Variants in IMMP2L observed in about 807,000 individuals in gnomAD.
IMMP2L encodes inner mitochondrial membrane peptidase subunit 2.
A neutral mutation model predicts 19.3 loss-of-function variants in IMMP2L; 18 were observed. That is an observed-to-expected ratio of 0.93 (90% CI 0.64 to 1.38). The LOEUF is 1.38. Among genes scored for constraint, IMMP2L ranks in the 40% most tolerant of loss-of-function variants. The pLI, the probability that IMMP2L is intolerant of heterozygous loss-of-function variation, is 0.00. For synonymous variants in IMMP2L, 76 were observed against 73.0 expected (o/e 1.04, Z -0.21); for missense variants, 233 against 218.2 (o/e 1.07, Z -0.43).
intron 3 of IMMP2L, among the ~76,000 whole-genome samples, chr7:111,194,948 G>T (rs910285279): frequency 9.2e-5 from 14 of 151,834 alleles, no homozygotes; most frequent in African/African-American, 3.1e-4. Context: ...TTTACTTATC[G>T]TTTTCATAGA....
At chr7:110,669,048 T>TGC (rs1190186202) in intron 5 of IMMP2L, among the ~76,000 whole-genome samples, 91 of 57,148 alleles carry the variant, frequency 1.6e-3, no homozygotes, top group African/African-American at 6.3e-3. Context: ...TGTGTGTGTG[T>TGC]GTGCGTGTGT....
chr7:111,398,739 CAGAA>C (rs1337509046), intron 3 of IMMP2L, among the ~76,000 whole-genome samples: 1 of 151,992 alleles, frequency 6.6e-6, no homozygotes, highest in Admixed American at 6.6e-5. Context: ...AAGACTCCTA[CAGAA>C]AGCTCCTAGA....
At chr7:111,059,281 C>T (rs1024523930) in intron 3 of IMMP2L, among the ~76,000 whole-genome samples, 5 of 152,198 alleles carry the variant, frequency 3.3e-5, no homozygotes, top group African/African-American at 1.2e-4. Flanking sequence ...CACGCCCAGC[C>T]TTCTCGCATC....
chr7:111,427,932 A>G (rs1585058155), intron 3 of IMMP2L, among the ~76,000 whole-genome samples: 1 of 151,800 alleles, frequency 6.6e-6, no homozygotes, highest in East Asian at 1.9e-4. Context: ...ATAGCTATGA[A>G]TATAATTTTG....
At chr7:111,536,007 G>A (rs1480376535) in intron 1 of IMMP2L, among the ~76,000 whole-genome samples, 1 of 152,080 alleles carries the variant, frequency 6.6e-6, no homozygotes, top group Non-Finnish European at 1.5e-5. Context: ...ACTAAGAAGT[G>A]CTTAGAAAAA....
At chr7:111,254,808 C>G (rs1012046185) in intron 3 of IMMP2L, among the ~76,000 whole-genome samples, 2 of 152,044 alleles carry the variant, frequency 1.3e-5, no homozygotes, top group Non-Finnish European at 2.9e-5. Flanking sequence ...AAATCCATGT[C>G]TAGTTGAAAA....
At chr7:110,714,699 C>T (rs4727745) in intron 5 of IMMP2L, among the ~76,000 whole-genome samples, 130,866 of 152,072 alleles carry the variant, frequency 0.86, 56,515 homozygotes, top group Non-Finnish European at 0.89. Flanking sequence ...CAGGCTCAAG[C>T]GATTCTCCTG....
At chr7:111,356,490 C>T (rs1033292363) in intron 3 of IMMP2L, among the ~76,000 whole-genome samples, 6 of 152,100 alleles carry the variant, frequency 3.9e-5, no homozygotes, top group Non-Finnish European at 7.4e-5. Context: ...TGAGCATCCT[C>T]GGATTCTGGT....
chr7:110,902,427 T>A (rs1342170181), intron 4 of IMMP2L, among the ~76,000 whole-genome samples: 1 of 149,566 alleles, frequency 6.7e-6, no homozygotes, highest in Admixed American at 6.7e-5. Context: ...ATTGGGCTGA[T>A]CCTGATCTGG....
chr7:110,844,035 C>T (rs714111), intron 5 of IMMP2L, among the ~76,000 whole-genome samples: 92,629 of 151,958 alleles, frequency 0.61, 30,902 homozygotes, highest in East Asian at 0.85. Context: ...TGGATGGATT[C>T]GAGCAGAAGA....
chr7:111,521,383 G>A lies in IMMP2L; in HGVS notation c.65C>T (p.Ala22Val), dbSNP rs202048991. ...CAAGAAAGTCACTGCCACAGGCACC[G>A]CCACAAAGAAGCCTTTACAAAAGGC... The part of the protein sequence containing the change: ...IKAFCKGFFV[A>V]VPVAVTFLDR... Residue 22 changes from alanine to valine, a missense_variant, in exon 2 of 6, where the codon GCG (alanine) becomes GTG (valine). Ala to Val is a moderately conservative substitution (Grantham distance 64). Coordinates refer to ENST00000405709, the MANE Select transcript of IMMP2L (RefSeq NM_032549.4). 390 of 1,612,834 alleles carry A rather than the reference G, an allele frequency of 2.4e-4. No homozygotes were observed. The highest frequency in any genetic ancestry group is 2.9e-4 in the Non-Finnish European group (343 of 1,179,300).
chr7:110,734,082 G>A (rs1245314711), intron 5 of IMMP2L, among the ~76,000 whole-genome samples: 2 of 152,206 alleles, frequency 1.3e-5, no homozygotes, highest in Non-Finnish European at 1.5e-5. Context: ...AAATGTGGAA[G>A]CAGCTTTGGA....
At chr7:111,406,573 T>C (rs1350571686) in intron 3 of IMMP2L, among the ~76,000 whole-genome samples, 1 of 152,066 alleles carries the variant, frequency 6.6e-6, no homozygotes, top group South Asian at 2.1e-4. Flanking sequence ...CCACATGGTC[T>C]TTTACTGTCA....
chr7:111,108,937 T>C (rs185009806), intron 3 of IMMP2L, among the ~76,000 whole-genome samples: 135 of 152,308 alleles, frequency 8.9e-4, no homozygotes, highest in African/African-American at 3.2e-3. Context: ...TAGCTAGGCA[T>C]TGGAGATCCA....
intron 5 of IMMP2L, among the ~76,000 whole-genome samples, chr7:110,782,810 G>T (rs1799824711): frequency 2.0e-5 from 3 of 151,872 alleles, no homozygotes; most frequent in African/African-American, 7.2e-5. Context: ...CTTGGGTAAA[G>T]TATGGGCATA....
At chr7:111,136,396 G>C (rs2129596037) in intron 3 of IMMP2L, among the ~76,000 whole-genome samples, 1 of 151,948 alleles carries the variant, frequency 6.6e-6, no homozygotes, top group South Asian at 2.1e-4. Flanking sequence ...TGAGATATTT[G>C]TTTCTTTCTA....
intron 1 of IMMP2L, among the ~76,000 whole-genome samples, chr7:111,527,451 G>T (rs1271984204): frequency 6.6e-6 from 1 of 150,716 alleles, no homozygotes; most frequent in African/African-American, 2.4e-5. Flanking sequence ...AATATCTAAG[G>T]TTCTTTCTAA....
At chr7:111,082,875 T>A (rs10254681) in intron 3 of IMMP2L, among the ~76,000 whole-genome samples, 1,349 of 131,570 alleles carry the variant, frequency 0.01, 24 homozygotes, top group African/African-American at 0.036. Context: ...AAAAAAAAAA[T>A]GACACGTGTT....
chr7:111,123,114 G>A lies in IMMP2L; in HGVS notation c.240-159549C>T, dbSNP rs534069831. 6.2e-7 allele frequency: 1 copy of A among 1,613,632 alleles called. No homozygotes were observed. Among genetic ancestry groups the A allele is most frequent in the African/African-American group, 1.3e-5 (1 of 75,016 alleles). The stretch of plus-strand genomic sequence containing the variant: ...CAGTCACCAATATTAATGTAAAAAA[G>A]ATGCCTCAGCTCCTTTCTGTGTACC... On this transcript the variant is annotated intron_variant, in intron 3 of 5. Transcript: ENST00000405709. This position sits in a 1 kb window ranked among gnomAD's most constrained non-coding sequence, Gnocchi z 6.4.
Sources: gnomAD v4.1 joint callset for allele counts (sites outside exome capture counted in the v4.1 genomes callset) on GRCh38, gnomAD v4.1.1 for gene constraint, Gnocchi (gnomAD v3.1) non-coding constraint, MANE v1.5 for transcripts, NCBI Gene and HGNC (gene_info 2026-07-23, HGNC 2026-07-21) for gene names.